TUT4: variants seen among roughly 807,000 people sequenced by gnomAD.
TUT4 encodes terminal uridylyl transferase 4.
In TUT4, 36 loss-of-function variants were observed where a neutral mutation model predicts 192.2. The ratio of observed to expected loss-of-function variants is 0.19; its 90% CI spans 0.14 to 0.25. The LOEUF (loss-of-function observed/expected upper bound fraction) is 0.25. TUT4 is among the 10% of genes least tolerant of loss of function. The probability of loss-of-function intolerance (pLI) is 1.00; values close to 1 mark genes in which losing one functional copy is unlikely to be tolerated. For missense variants in TUT4, 1,493 were observed against 1,957.2 expected (o/e 0.76, Z 4.47); for synonymous variants, 618 against 666.0 (o/e 0.93, Z 1.11).
Position 52,431,233 on chromosome 1 carries a change from G to C in TUT4, c.4491C>G (p.His1497Gln), listed in dbSNP as rs1178264194. Residue 1497 changes from histidine to glutamine, a missense_variant, in exon 28 of 30, where the codon CAC (histidine) becomes CAG (glutamine). Transcript: ENST00000257177. ...PMHNMGLLPM[H>Q]PLQIPAPSWP... ...AGGACGGGGCAGGGATCTGGAGAGG[G>C]TGCATTGGCAACAATCCCATATTGT... is the stretch of plus-strand genomic sequence containing the variant. The C allele has an allele frequency of 6.2e-7, 1 of 1,614,212 alleles. No individual in the cohort carries two copies. The highest frequency in any genetic ancestry group is 2.2e-5 in the East Asian group (1 of 44,876).
intron 1 of TUT4, among the ~76,000 whole-genome samples, chr1:52,540,247 T>C (rs1409587140): frequency 9.6e-6 from 1 of 104,556 alleles, no homozygotes; most frequent in Non-Finnish European, 1.9e-5. Flanking sequence ...CCGGACGCGG[T>C]GGCTCATGCC....
In TUT4 at chr1:52,431,192, G is replaced by A; in HGVS notation, c.4532C>T (p.Pro1511Leu). The change falls in exon 28 of 30, where the codon CCA becomes CTA. Residue 1511 changes from proline to leucine, a missense_variant. Coordinates refer to ENST00000257177, the MANE Select transcript of TUT4 (RefSeq NM_001009881.3). Reference protein sequence around the residue: ...IPAPSWPIHGPVIHSAPGSAP... With the variant: ...IPAPSWPIHGLVIHSAPGSAP... ...ACTGCCTGGTGCAGAGTGGATCACTGGGCCATGGATGGGCCAGGACGGGGC... is the reference window on the plus strand; with the variant it reads ...ACTGCCTGGTGCAGAGTGGATCACTAGGCCATGGATGGGCCAGGACGGGGC... 6.2e-7 allele frequency: 1 copy of A among 1,614,216 alleles called. No individual in the cohort carries two copies. The highest frequency in any genetic ancestry group is 8.5e-7 in the Non-Finnish European group (1 of 1,180,028).
chr1:52,457,322 G>A (rs1283110919), intron 20 of TUT4, among the ~76,000 whole-genome samples: 1 of 150,736 alleles, frequency 6.6e-6, no homozygotes, highest in Non-Finnish European at 1.5e-5. Flanking sequence ...TGCAACCTCT[G>A]CCTCCCGGGT....
At position 52,477,692 on chromosome 1, in the gene TUT4, C is replaced by T; in HGVS notation, c.2023+16G>A. The T allele has an allele frequency of 6.3e-7, 1 of 1,595,802 alleles. No homozygotes were observed. Among genetic ancestry groups the T allele is most frequent in the Non-Finnish European group, 8.5e-7 (1 of 1,171,994 alleles). ...TAAAAAATATTCTCCAAATGAAATA[C>T]AACATATCATCTCACCTTCAATGGC... On this transcript the variant is annotated intron_variant, in intron 12 of 29. Coordinates refer to ENST00000257177, the MANE Select transcript of TUT4 (RefSeq NM_001009881.3).
chr1:52,465,528 A>G (rs1663854632), intron 15 of TUT4, among the ~76,000 whole-genome samples: 3 of 152,212 alleles, frequency 2.0e-5, no homozygotes, highest in Admixed American at 2.0e-4. Flanking sequence ...GCAATCCTTA[A>G]TATCTGTCTC....
chr1:52,523,852 A>G lies in TUT4; in HGVS notation c.718+1711T>C, dbSNP rs529519487. On this transcript the variant is annotated intron_variant, in intron 2 of 29. Transcript: ENST00000257177. ...TATACCATCATCTGTGTACCACAAG[A>G]AATAAAAACAAGCTATTTCAGAATT... Among the ~76,000 whole-genome samples, 4 of 152,348 alleles carry G rather than the reference A, an allele frequency of 2.6e-5. No homozygotes were observed. The South Asian group carries it at 8.3e-4, about 32-fold the overall frequency.
intron 16 of TUT4, 109 bp from the exon 17 acceptor site, chr1:52,461,878 T>TATA: frequency 3.0e-6 from 2 of 658,078 alleles, no homozygotes; most frequent in East Asian, 5.7e-5. Flanking sequence ...CATAAAGCTC[T>TATA]ATAATAACCT....
chr1:52,445,705 A>G, intron 24 of TUT4, 82 bp downstream of exon 24: 1 of 1,037,094 alleles, frequency 9.6e-7, no homozygotes, highest in Non-Finnish European at 1.5e-6. Flanking sequence ...CCCTATATCT[A>G]ACATCAGTTT....
chr1:52,462,812 A>G, intron 16 of TUT4: 3 of 985,280 alleles, frequency 3.0e-6, no homozygotes, highest in Non-Finnish European at 3.6e-6. Context: ...GAGACAGCAG[A>G]GTTGGTATGG....
intron 20 of TUT4, among the ~76,000 whole-genome samples, chr1:52,450,285 A>G (rs1658974281): frequency 6.6e-6 from 1 of 152,224 alleles, no homozygotes; most frequent in Non-Finnish European, 1.5e-5. Flanking sequence ...ATGATGCCAG[A>G]GCAATGGACA....
At chr1:52,552,522 G>GA (rs2149821613) in intron 1 of TUT4, among the ~76,000 whole-genome samples, 1 of 152,306 alleles carries the variant, frequency 6.6e-6, no homozygotes. Flanking sequence ...AAGCAAGGGT[G>GA]AAAGAAAAAG....
intron 4 of TUT4, among the ~76,000 whole-genome samples, chr1:52,509,028 A>T (rs900771024): frequency 4.6e-5 from 7 of 152,184 alleles, no homozygotes; most frequent in Non-Finnish European, 1.0e-4. Flanking sequence ...TCCTGCCTAA[A>T]GACTTTTAAT....
intron 14 of TUT4, among the ~76,000 whole-genome samples, chr1:52,470,404 C>T (rs1440778939): frequency 6.6e-6 from 1 of 151,854 alleles, no homozygotes; most frequent in Non-Finnish European, 1.5e-5. Context: ...CTAAAAAACA[C>T]GTGCCATGAC....
At chr1:52,551,683 C>T (rs933698850) in intron 1 of TUT4, among the ~76,000 whole-genome samples, 9 of 148,578 alleles carry the variant, frequency 6.1e-5, no homozygotes, top group African/African-American at 2.4e-4. Flanking sequence ...CGCGCTCGCG[C>T]GCGCACACAC....
upstream of TUT4, chr1:52,553,436 C>T (rs999992466): frequency 6.6e-6 from 1 of 151,720 alleles, no homozygotes; most frequent in African/African-American, 2.4e-5. Flanking sequence ...CACTCACACC[C>T]ACGCGGAGGG....
In TUT4 at chr1:52,481,943, A is replaced by G. The variant is rs780154659; in HGVS notation, c.1516-20T>C. 2.0e-6 allele frequency: 3 copies of G among 1,481,260 alleles called. No homozygotes were observed. Among genetic ancestry groups the G allele is most frequent in the Non-Finnish European group, 2.7e-6 (3 of 1,119,892 alleles). 91.8% of individuals were successfully genotyped at this position (1,481,260 alleles called of 1,614,324 possible). ...GCACAACTGCAAAATGAAGGGGAAA[A>G]AAGTACTACCATTTAGCTTTCTTAA... On this transcript the variant is annotated intron_variant, in intron 9 of 29. Coordinates refer to ENST00000257177, the MANE Select transcript of TUT4 (RefSeq NM_001009881.3).
At chr1:52,431,691 C>T in intron 27 of TUT4, 1 of 313,288 alleles carries the variant, frequency 3.2e-6, no homozygotes, top group South Asian at 8.4e-5. Context: ...TCCCATCGTG[C>T]AGAACACATA....
intron 14 of TUT4, among the ~76,000 whole-genome samples, chr1:52,471,267 G>A (rs1204682852): frequency 6.6e-6 from 1 of 151,954 alleles, no homozygotes; most frequent in African/African-American, 2.4e-5. Flanking sequence ...GGCCCACCTC[G>A]GCCTCCCAAA....
At position 52,463,991 on chromosome 1, in the gene TUT4, T is replaced by C. The variant is rs546883488; in HGVS notation, c.3069+1079A>G. ...GCAGTGAGATACAATGGAAAGAGCA[T>C]GAACTCTGGAGTCAGACAGACCTGG... On this transcript the variant is annotated intron_variant, in intron 16 of 29. Coordinates refer to ENST00000257177, the MANE Select transcript of TUT4 (RefSeq NM_001009881.3). Among the ~76,000 whole-genome samples the C allele has an allele frequency of 2.0e-5, 3 of 152,282 alleles. No individual in the cohort carries two copies. The South Asian group carries it at 6.2e-4, about 32-fold the overall frequency.
Sources: gnomAD v4.1 joint callset for allele counts (sites outside exome capture counted in the v4.1 genomes callset) on GRCh38, gnomAD v4.1.1 for gene constraint, MANE v1.5 for transcripts, NCBI Gene and HGNC (gene_info 2026-07-23, HGNC 2026-07-21) for gene names.